Variants in ZFYVE28 observed in about 807,000 individuals in gnomAD.
ZFYVE28 encodes lateral signaling target protein 2 homolog.
A neutral mutation model predicts 82.1 loss-of-function variants in ZFYVE28; 40 were observed. That is an observed-to-expected ratio of 0.49 (90% CI 0.38 to 0.63). ZFYVE28 has a LOEUF of 0.63. ZFYVE28 is among the 30% of genes least tolerant of loss of function. The pLI, the probability that ZFYVE28 is intolerant of heterozygous loss-of-function variation, is 0.00. For missense variants in ZFYVE28, 1,321 were observed against 1,242.1 expected (o/e 1.06, Z -0.96); for synonymous variants, 612 against 546.1 (o/e 1.12, Z -1.68).
chr4:2,392,682 G>C (rs962005680), intron 1 of ZFYVE28, among the ~76,000 whole-genome samples: 16 of 152,298 alleles, frequency 1.1e-4, no homozygotes, highest in African/African-American at 2.9e-4. Context: ...AGCTTACAAT[G>C]AATTGTTTAT....
chr4:2,275,632 C>A (rs191404047), intron 8 of ZFYVE28, among the ~76,000 whole-genome samples: 4 of 152,204 alleles, frequency 2.6e-5, no homozygotes, highest in African/African-American at 9.7e-5. Context: ...CGGGGATCCT[C>A]GTCGACCTGT....
chr4:2,380,130 A>G (rs1443838756), intron 1 of ZFYVE28, among the ~76,000 whole-genome samples: 1 of 152,240 alleles, frequency 6.6e-6, no homozygotes, highest in Non-Finnish European at 1.5e-5. Context: ...ATCAAACAAC[A>G]TAAACATGTG....
At chr4:2,336,199 A>T (rs1160275438) in intron 5 of ZFYVE28, among the ~76,000 whole-genome samples, 6 of 152,142 alleles carry the variant, frequency 3.9e-5, no homozygotes, top group Non-Finnish European at 8.8e-5. Flanking sequence ...ATACTGCCCC[A>T]AACAATTCAA....
chr4:2,371,553 T>C (rs1299659040), intron 1 of ZFYVE28, among the ~76,000 whole-genome samples: 1 of 152,172 alleles, frequency 6.6e-6, no homozygotes, highest in Non-Finnish European at 1.5e-5. Flanking sequence ...GCTTGACATA[T>C]GGCAGGAAAA....
intron 8 of ZFYVE28, among the ~76,000 whole-genome samples, chr4:2,279,197 C>T (rs1039294161): frequency 2.0e-5 from 3 of 152,174 alleles, no homozygotes; most frequent in African/African-American, 4.8e-5. Flanking sequence ...TGTGGGAGGC[C>T]GAGGCGAGAG....
chr4:2,357,807 A>G (rs866842496), intron 1 of ZFYVE28, among the ~76,000 whole-genome samples: 7 of 151,620 alleles, frequency 4.6e-5, no homozygotes, highest in African/African-American at 1.7e-4. Flanking sequence ...GAAAGAGGAC[A>G]CGAGCAGGGG....
intron 2 of ZFYVE28, among the ~76,000 whole-genome samples, chr4:2,353,209 C>T (rs569725454): frequency 7.9e-5 from 12 of 152,236 alleles, no homozygotes; most frequent in South Asian, 2.1e-4. Flanking sequence ...GGCCCAGAGC[C>T]AGGGCTGGGG....
At chr4:2,328,021 T>C (rs1720130652) in intron 6 of ZFYVE28, among the ~76,000 whole-genome samples, 2 of 151,944 alleles carry the variant, frequency 1.3e-5, no homozygotes, top group South Asian at 2.1e-4. Flanking sequence ...AAACTACAAA[T>C]ATAATTGCCA....
At chr4:2,347,100 A>T (rs562437187) in intron 2 of ZFYVE28, among the ~76,000 whole-genome samples, 35 of 152,328 alleles carry the variant, frequency 2.3e-4, no homozygotes, top group Admixed American at 2.3e-3. Flanking sequence ...AGGTTGTATC[A>T]TGTTCACACC....
At chr4:2,306,768 G>T (rs1716638835) in intron 7 of ZFYVE28, 1 of 152,116 alleles carries the variant, frequency 6.6e-6, no homozygotes, top group Non-Finnish European at 1.5e-5. Flanking sequence ...ACTAGATCTG[G>T]CAACGCTATT....
chr4:2,403,864 G>C (rs781357932), intron 1 of ZFYVE28, among the ~76,000 whole-genome samples: 1 of 151,878 alleles, frequency 6.6e-6, no homozygotes, highest in African/African-American at 2.4e-5. Context: ...AGCTACTCAG[G>C]AGGCTAAGGC....
In ZFYVE28 at chr4:2,418,428, C is replaced by T; in HGVS notation, c.-105G>A. The T allele has an allele frequency of 1.1e-6, 1 of 938,244 alleles. No homozygotes were observed. Among genetic ancestry groups the T allele is most frequent in the East Asian group, 7.1e-5 (1 of 14,092 alleles). The allele number at this position is 938,244 out of a possible 1,614,324, so 58.1% of individuals were successfully genotyped here. ...CGGACGCGGAGGCACGGCCGGAGCCCCCGCGCTGTCGCAGGGAGGCTGGCT... is the reference window on the plus strand; with the variant it reads ...CGGACGCGGAGGCACGGCCGGAGCCTCCGCGCTGTCGCAGGGAGGCTGGCT... On this transcript the variant is annotated 5_prime_UTR_variant, in exon 1 of 13. Coordinates refer to ENST00000290974, the MANE Select transcript of ZFYVE28 (RefSeq NM_020972.3). The surrounding 1 kb of genome is among the most constrained non-coding windows in gnomAD (Gnocchi z 4.6).
intron 4 of ZFYVE28, among the ~76,000 whole-genome samples, chr4:2,338,695 C>T (rs1167126588): frequency 2.0e-5 from 3 of 152,308 alleles, no homozygotes; most frequent in East Asian, 1.9e-4. Flanking sequence ...CTCGACTGTC[C>T]GTGCTCTTGC....
intron 8 of ZFYVE28, among the ~76,000 whole-genome samples, chr4:2,303,992 G>C (rs531841012): frequency 6.6e-6 from 1 of 152,368 alleles, no homozygotes; most frequent in Non-Finnish European, 1.5e-5. Flanking sequence ...CAGGTGAGCT[G>C]AGGGCTTGGC....
At chr4:2,393,235 T>C (rs1730026610) in intron 1 of ZFYVE28, among the ~76,000 whole-genome samples, 1 of 152,216 alleles carries the variant, frequency 6.6e-6, no homozygotes, top group Non-Finnish European at 1.5e-5. Flanking sequence ...GATCACTCCA[T>C]TCACCTTTTC....
intron 7 of ZFYVE28, among the ~76,000 whole-genome samples, chr4:2,308,083 T>C (rs180826475): frequency 1.7e-3 from 253 of 152,350 alleles, no homozygotes; most frequent in Non-Finnish European, 2.8e-3. Context: ...TCAGGATTAC[T>C]ATAGCTTTAC....
chr4:2,391,074 G>A (rs1353160934), intron 1 of ZFYVE28, among the ~76,000 whole-genome samples: 2 of 152,234 alleles, frequency 1.3e-5, no homozygotes, highest in Non-Finnish European at 2.9e-5. Context: ...CTGTGGGCAC[G>A]CAGCCTCCCC....
rs763374268 is a variant in ZFYVE28 at position 2,339,405 on chromosome 4, C to T, written c.521+48G>A. Reference sequence around the variant, plus strand: ...GGTGAGCCCCGGAAGCTGGCACAACCGTCCCCCAGCTCATACAGCCAGGGC... The same window carrying T: ...GGTGAGCCCCGGAAGCTGGCACAACTGTCCCCCAGCTCATACAGCCAGGGC... On this transcript the variant is annotated intron_variant, in intron 4 of 12. Coordinates refer to ENST00000290974, the MANE Select transcript of ZFYVE28 (RefSeq NM_020972.3). The surrounding 1 kb of genome is among the most constrained non-coding windows in gnomAD (Gnocchi z 5.0). The T allele has an allele frequency of 8.9e-6, 14 of 1,577,074 alleles. No homozygotes were observed. The highest frequency in any genetic ancestry group is 5.7e-5 in the South Asian group (5 of 87,068).
intron 8 of ZFYVE28, among the ~76,000 whole-genome samples, chr4:2,284,314 G>A (rs925080808): frequency 1.3e-5 from 2 of 152,138 alleles, no homozygotes; most frequent in African/African-American, 2.4e-5. Context: ...CTCAAGCTCC[G>A]GGCCCCACAT....
Sources: gnomAD v4.1 joint callset for allele counts (sites outside exome capture counted in the v4.1 genomes callset) on GRCh38, gnomAD v4.1.1 for gene constraint, Gnocchi (gnomAD v3.1) non-coding constraint, MANE v1.5 for transcripts, NCBI Gene and HGNC (gene_info 2026-07-23, HGNC 2026-07-21) for gene names.